The following TANC1 variants were observed in gnomAD, a reference collection of about 807,000 sequenced individuals.
The protein encoded by TANC1 is protein TANC1.
A neutral mutation model predicts 149.7 loss-of-function variants in TANC1; 77 were observed. The observed-to-expected ratio is 0.51, with a 90% CI of 0.43 to 0.62. TANC1 has a LOEUF of 0.62. TANC1 is among the 20% of genes least tolerant of loss of function. The pLI is 0.00. For synonymous variants in TANC1, 854 were observed against 925.0 expected (o/e 0.92, Z 1.39); for missense variants, 1,985 against 2,321.8 (o/e 0.85, Z 2.98).
intron 4 of TANC1, among the ~76,000 whole-genome samples, chr2:159,121,673 A>G (rs1400283394): frequency 6.6e-6 from 1 of 152,216 alleles, no homozygotes; most frequent in Non-Finnish European, 1.5e-5. Flanking sequence ...ATCCAAAAAG[A>G]TGTTAATGGT....
At chr2:159,083,230 C>T (rs1408383372) in intron 3 of TANC1, among the ~76,000 whole-genome samples, 1 of 151,952 alleles carries the variant, frequency 6.6e-6, no homozygotes, top group Non-Finnish European at 1.5e-5. Context: ...GCTGGGATTA[C>T]AGGCATGAGC....
intron 4 of TANC1, among the ~76,000 whole-genome samples, chr2:159,100,656 C>T (rs2046591059): frequency 6.6e-6 from 1 of 152,154 alleles, no homozygotes; most frequent in Non-Finnish European, 1.5e-5. Context: ...CAAATTTGTA[C>T]AGCAAATTAG....
intron 6 of TANC1, 111 bp from the exon 7 acceptor site, chr2:159,150,259 A>T (rs542292378): frequency 1.2e-4 from 100 of 833,138 alleles, no homozygotes; most frequent in African/African-American, 4.5e-4. Context: ...TTTTTTTTTT[A>T]AAACTTCCGT....
Position 159,175,068 on chromosome 2 carries a change from A to T in TANC1, c.1619A>T (p.Asp540Val). Residue 540 changes from aspartate (D) to valine (V), a missense_variant, in exon 12 of 27, where the codon GAC (aspartate) becomes GTC (valine). Physicochemically the swap from Asp to Val is radical, Grantham distance 152. Around this residue, in one of 3 missense-constraint regions of TANC1, gnomAD observed 508 missense variants for 714.2 expected, o/e 0.71. Coordinates refer to ENST00000263635, the MANE Select transcript of TANC1 (RefSeq NM_033394.3). ...TCCCATCAGCTGGCCGCCTACAGAG[A>T]CCTTCTGATAAAGGAGCCCCAACTA... The part of the protein sequence containing the change: ...CRSHQLAAYR[D>V]LLIKEPQLQS... The T allele has an allele frequency of 6.2e-7, 1 of 1,614,126 alleles. No homozygotes were observed. Among genetic ancestry groups the T allele is most frequent in the Non-Finnish European group, 8.5e-7 (1 of 1,180,032 alleles).
Position 159,176,348 on chromosome 2 carries a change from G to A in TANC1, c.1736-4G>A. 2.0e-6 allele frequency: 3 copies of A among 1,507,474 alleles called. No homozygotes were observed. The highest frequency in any genetic ancestry group is 1.3e-5 in the South Asian group (1 of 79,860). The allele number at this position is 1,507,474 out of a possible 1,614,324, so 93.4% of individuals were successfully genotyped here. A position where few individuals can be genotyped will look rare whatever the true frequency, so the allele number is the denominator to read the frequency against. On this transcript the variant is annotated splice_polypyrimidine_tract_variant and splice_region_variant and intron_variant, in intron 12 of 26. Coordinates refer to ENST00000263635, the MANE Select transcript of TANC1 (RefSeq NM_033394.3). ...TAATTTGAAAAAATTATTTTATCCT[G>A]TAGAGCAGAAAATTCCTGAAGAAGA... is the stretch of plus-strand genomic sequence containing the variant.
chr2:159,201,471 T>C (rs988480933), intron 19 of TANC1, among the ~76,000 whole-genome samples: 2 of 152,206 alleles, frequency 1.3e-5, no homozygotes, highest in Non-Finnish European at 2.9e-5. Flanking sequence ...CTTCAAGCCA[T>C]GGGCCCCGGG....
At chr2:159,168,701 C>A (rs116396397) in intron 8 of TANC1, among the ~76,000 whole-genome samples, 1 of 151,536 alleles carries the variant, frequency 6.6e-6, no homozygotes, top group Non-Finnish European at 1.5e-5. Context: ...CCAAAAAATG[C>A]GGTATGATAT....
intron 5 of TANC1, among the ~76,000 whole-genome samples, chr2:159,137,046 G>T (rs1270369756): frequency 6.6e-6 from 1 of 152,102 alleles, no homozygotes; most frequent in African/African-American, 2.4e-5. Context: ...AGAAACATGG[G>T]ACTAGGAATC....
intron 2 of TANC1, among the ~76,000 whole-genome samples, chr2:159,007,484 T>A (rs1038015197): frequency 6.6e-6 from 1 of 152,184 alleles, no homozygotes; most frequent in Non-Finnish European, 1.5e-5. Flanking sequence ...TATGTTTAGA[T>A]GTATAAGTAC....
chr2:159,212,933 AAAAAAAAAT>A (rs895835572), intron 19 of TANC1, among the ~76,000 whole-genome samples: 1 of 141,478 alleles, frequency 7.1e-6, no homozygotes, highest in Non-Finnish European at 1.6e-5. Context: ...AAAAAAAAAA[AAAAAAAAAT>A]TTCCCTGAAA....
chr2:158,982,774 A>AT (rs560909514), intron 1 of TANC1, among the ~76,000 whole-genome samples: 2 of 151,886 alleles, frequency 1.3e-5, no homozygotes, highest in Non-Finnish European at 2.9e-5. Context: ...TGCCTGACTA[A>AT]TTTTTTTATT....
intron 4 of TANC1, among the ~76,000 whole-genome samples, chr2:159,101,436 A>G (rs4665023): frequency 1.6e-4 from 25 of 152,336 alleles, no homozygotes; most frequent in Middle Eastern, 3.4e-3. Flanking sequence ...CCTGCATGTT[A>G]CATGATTGAG....
At chr2:159,145,586 G>A (rs1027799606) in intron 5 of TANC1, among the ~76,000 whole-genome samples, 5 of 152,188 alleles carry the variant, frequency 3.3e-5, no homozygotes, top group African/African-American at 4.8e-5. Context: ...GGCACTGATG[G>A]TTTAAAGTTA....
chr2:159,181,278 C>G (rs1349972747), intron 14 of TANC1, among the ~76,000 whole-genome samples: 1 of 151,090 alleles, frequency 6.6e-6, no homozygotes. Flanking sequence ...ATGTACTTCA[C>G]TATACCCTCA....
Position 159,217,557 on chromosome 2 carries a change from G to C in TANC1, c.3305G>C (p.Gly1102Ala). The change falls in exon 20 of 27, where the codon GGA (glycine) becomes GCA (alanine). Residue 1102 changes from glycine (G) to alanine (A), a missense_variant. Transcript: ENST00000263635. ...LEVCELLLGH[G>A]AAVSRTNRRG... Reference sequence around the variant, plus strand: ...GTCTGTGAGCTGCTGCTGGGGCATGGAGCTGCTGTGTCGCGGACAAACAGG... The same window carrying C: ...GTCTGTGAGCTGCTGCTGGGGCATGCAGCTGCTGTGTCGCGGACAAACAGG... 6.2e-7 allele frequency: 1 copy of C among 1,614,264 alleles called. No individual in the cohort carries two copies. Among genetic ancestry groups the C allele is most frequent in the Non-Finnish European group, 8.5e-7 (1 of 1,180,038 alleles).
chr2:159,052,110 G>A (rs1034490254), intron 2 of TANC1, among the ~76,000 whole-genome samples: 1 of 152,130 alleles, frequency 6.6e-6, no homozygotes, highest in Non-Finnish European at 1.5e-5. Flanking sequence ...CTGAAACACG[G>A]CAGTTTCCAG....
At chr2:159,116,173 T>A (rs1037786826) in intron 4 of TANC1, among the ~76,000 whole-genome samples, 1 of 152,068 alleles carries the variant, frequency 6.6e-6, no homozygotes, top group Non-Finnish European at 1.5e-5. Flanking sequence ...ACACTTGTAA[T>A]CCCAGCACTT....
intron 2 of TANC1, chr2:159,055,886 A>G (rs2041813768): frequency 6.0e-6 from 1 of 165,888 alleles, no homozygotes; most frequent in African/African-American, 2.4e-5. Flanking sequence ...TTATTTATTT[A>G]TTTATTTATT....
At chr2:159,017,600 T>C (rs2038406045) in intron 2 of TANC1, among the ~76,000 whole-genome samples, 1 of 152,120 alleles carries the variant, frequency 6.6e-6, no homozygotes, top group Non-Finnish European at 1.5e-5. Context: ...AATTGCAGTT[T>C]TCAAAGTAAC....
Sources: allele counts gnomAD v4.1 joint callset (sites outside exome capture counted in the v4.1 genomes callset), GRCh38; gene constraint gnomAD v4.1.1; regional missense constraint gnomAD v4.1.1; transcripts MANE v1.5; gene names NCBI Gene and HGNC (gene_info 2026-07-23, HGNC 2026-07-21).